The following SNED1 variants were observed in gnomAD, a reference collection of about 807,000 sequenced individuals.
SNED1 encodes the protein sushi, nidogen and EGF-like domain-containing protein 1.
In SNED1, 81 loss-of-function variants were observed where a neutral mutation model predicts 166.7. The ratio of observed to expected loss-of-function variants is 0.49; its 90% CI spans 0.41 to 0.58. SNED1 has a LOEUF of 0.58. SNED1 is among the 20% of genes least tolerant of loss of function. The pLI is 0.00. For synonymous variants in SNED1, 762 were observed against 822.0 expected, an observed-to-expected ratio of 0.93 and a Z score of 1.25; for missense variants, 1,604 against 2,000.2, an observed-to-expected ratio of 0.80 and a Z score of 3.78.
intron 2 of SNED1, chr2:241,033,401 G>C (rs543440188): frequency 3.9e-5 from 9 of 227,922 alleles, no homozygotes; most frequent in African/African-American, 2.1e-4. Flanking sequence ...TTGCAATTTT[G>C]CTCATTTCAC....
At chr2:241,090,163 A>C in intron 31 of SNED1, 2 of 1,460,748 alleles carry the variant, frequency 1.4e-6, no homozygotes, top group Non-Finnish European at 1.8e-6. Context: ...ACGGATGTTC[A>C]AAATTGTTTT....
intron 6 of SNED1, among the ~76,000 whole-genome samples, chr2:241,037,872 G>T (rs1340958826): frequency 6.6e-6 from 1 of 152,220 alleles, no homozygotes; most frequent in Non-Finnish European, 1.5e-5. Context: ...GGGAAAGGGG[G>T]TCTCACAGCC....
At chr2:241,063,549 T>G in intron 17 of SNED1, 38 bp from the exon 18 acceptor site, 3 of 1,437,982 alleles carry the variant, frequency 2.1e-6, no homozygotes, top group Non-Finnish European at 2.9e-6. Context: ...GCCTCAGACT[T>G]GAGCCAGCAA....
At chr2:241,077,796 G>A (rs1437797031) in intron 27 of SNED1, among the ~76,000 whole-genome samples, 1 of 152,152 alleles carries the variant, frequency 6.6e-6, no homozygotes, top group Non-Finnish European at 1.5e-5. Flanking sequence ...AAACCACTAG[G>A]ATGGCGGGAA....
At chr2:241,078,362 G>A (rs2125284280) in intron 27 of SNED1, among the ~76,000 whole-genome samples, 1 of 135,956 alleles carries the variant, frequency 7.4e-6, no homozygotes, top group East Asian at 2.1e-4. Flanking sequence ...CAGCCTGGGA[G>A]ACAGAACTAG....
In SNED1 at chr2:241,071,662, C is replaced by A; in HGVS notation, c.3676C>A (p.Pro1226Thr). The A allele has an allele frequency of 6.4e-7, 1 of 1,564,310 alleles. No individual in the cohort carries two copies. Among genetic ancestry groups the A allele is most frequent in the East Asian group, 2.3e-5 (1 of 42,758 alleles). The change falls in exon 25 of 32, where the codon CCG becomes ACG. Residue 1226 changes from proline to threonine, a missense_variant. Physicochemically the swap from Pro to Thr is conservative, Grantham distance 38. This residue lies in a region of SNED1 where 367 missense variants were observed against 379.4 expected (regional missense o/e 0.97). Transcript: ENST00000310397. ...GAACAGACCGCCCCCGGCGCGCCTG[C>A]CGGAGCTGCGCCTGCTCAATGACCA... ...LKNRPPPARL[P>T]ELRLLNDHSA...
chr2:241,050,719 T>A (rs915054341), intron 12 of SNED1, among the ~76,000 whole-genome samples: 2 of 152,130 alleles, frequency 1.3e-5, no homozygotes, highest in African/African-American at 4.8e-5. Flanking sequence ...TCTTTGTCTC[T>A]CAACACACTC....
Position 241,053,272 on chromosome 2 carries a change from C to A in SNED1, c.2203C>A (p.Arg735Ser). 6.2e-7 allele frequency: 1 copy of A among 1,602,980 alleles called. No homozygotes were observed. Among genetic ancestry groups the A allele is most frequent in the South Asian group, 1.1e-5 (1 of 90,598 alleles). Residue 735 changes from arginine to serine, a missense_variant, in exon 16 of 32, where the codon CGC becomes AGC. Physicochemically the swap from Arg to Ser is moderately radical, Grantham distance 110. Around this residue, in one of 2 missense-constraint regions of SNED1, gnomAD observed 1,237 missense variants for 1,620.8 expected, o/e 0.76. Coordinates refer to ENST00000310397, the MANE Select transcript of SNED1 (RefSeq NM_001080437.3). ...TGGCTACAGCCTGAGCGCCCCCAGC[C>A]GCATCCGGGTCTGCCAGCCACACGG... Reference protein sequence around the residue: ...DRGYSLSAPSRIRVCQPHGVW... With the variant: ...DRGYSLSAPSSIRVCQPHGVW...
At chr2:241,007,898 C>T (rs2060267844) in intron 1 of SNED1, among the ~76,000 whole-genome samples, 1 of 152,236 alleles carries the variant, frequency 6.6e-6, no homozygotes, top group African/African-American at 2.4e-5. Context: ...CTACACGGGC[C>T]TTCGTGCAGG....
In SNED1 at chr2:241,071,560, C is replaced by T. The variant is rs564406630; in HGVS notation, c.3590-16C>T. The T allele has an allele frequency of 3.9e-5, 61 of 1,573,988 alleles. No individual in the cohort carries two copies. Among genetic ancestry groups the T allele is most frequent in the African/African-American group, 3.2e-4 (24 of 74,440 alleles). On this transcript the variant is annotated splice_polypyrimidine_tract_variant and intron_variant, in intron 24 of 31. Coordinates refer to ENST00000310397, the MANE Select transcript of SNED1 (RefSeq NM_001080437.3). ...GGCAGCCCCAGACCAGCCCCTTCCTCCTGCCTGCTCTGCAGCCCCCAGGGA... is the reference window on the plus strand; with the variant it reads ...GGCAGCCCCAGACCAGCCCCTTCCTTCTGCCTGCTCTGCAGCCCCCAGGGA...
At chr2:241,021,184 T>A (rs1440446598) in intron 1 of SNED1, among the ~76,000 whole-genome samples, 2 of 152,204 alleles carry the variant, frequency 1.3e-5, no homozygotes, top group Non-Finnish European at 2.9e-5. Context: ...CCCCTCCAGC[T>A]GTTAGCTCCT....
intron 21 of SNED1, 83 bp from the exon 22 acceptor site, chr2:241,067,681 C>T: frequency 8.0e-7 from 1 of 1,245,310 alleles, no homozygotes; most frequent in Non-Finnish European, 1.1e-6. Context: ...AGCACCCTCC[C>T]AAGCCTGGTT....
rs1329051630 is a variant in SNED1, at chr2:241,070,163, C to A, written c.3551C>A (p.Pro1184Gln). 1.9e-6 allele frequency: 3 copies of A among 1,599,680 alleles called. No individual in the cohort carries two copies. The highest frequency in any genetic ancestry group is 2.5e-6 in the Non-Finnish European group (3 of 1,176,792). ...VIAVQSTELGPQHSEPAHLYI... is the reference protein window; with the variant it reads ...VIAVQSTELGQQHSEPAHLYI... ...GCAGTGCAGAGCACGGAGCTCGGGC[C>A]GCAGCACAGCGAGCCCGCCCACCTC... Residue 1184 changes from proline to glutamine, a missense_variant, in exon 24 of 32, where the codon CCG becomes CAG. Transcript: ENST00000310397.
In SNED1 at chr2:241,064,984, G is replaced by T. The variant is rs933466506; in HGVS notation, c.2713+27G>T. On this transcript the variant is annotated intron_variant, in intron 20 of 31. Transcript: ENST00000310397. This position sits in a 1 kb window ranked among gnomAD's most constrained non-coding sequence, Gnocchi z 7.0. ...TGGGTGGCGAGGGCGCCTCCAGTGA[G>T]GGAGCCACGAGGGGGTCCCCTCTCC... The T allele has an allele frequency of 1.3e-6, 2 of 1,522,418 alleles. No individual in the cohort carries two copies. Among genetic ancestry groups the T allele is most frequent in the African/African-American group, 1.4e-5 (1 of 71,634 alleles). The allele number at this position is 1,522,418 out of a possible 1,614,324, so 94.3% of individuals were successfully genotyped here. A position where few individuals can be genotyped will look rare whatever the true frequency, so the allele number is the denominator to read the frequency against.
intron 16 of SNED1, among the ~76,000 whole-genome samples, chr2:241,056,925 C>A (rs2062065378): frequency 6.6e-6 from 1 of 151,988 alleles, no homozygotes; most frequent in Non-Finnish European, 1.5e-5. Context: ...ATCTGTGGGA[C>A]AATATCAAAC....
chr2:240,998,807 C>G lies in SNED1; in HGVS notation c.-31C>G. 8.8e-7 allele frequency: 1 copy of G among 1,130,566 alleles called. No homozygotes were observed. The highest frequency in any genetic ancestry group is 1.1e-6 in the Non-Finnish European group (1 of 918,224). 70.0% of individuals were successfully genotyped at this position (1,130,566 alleles called of 1,614,324 possible). ...CTAGTCCCCCAGCGCCCTGCTCCGC[C>G]AGCGCCCCGTCCCGCCCGCACACCT... On this transcript the variant is annotated 5_prime_UTR_variant, in exon 1 of 32. Coordinates refer to ENST00000310397, the MANE Select transcript of SNED1 (RefSeq NM_001080437.3).
chr2:241,080,509 G>GGGT (rs1450454917), intron 27 of SNED1, among the ~76,000 whole-genome samples: 1 of 152,144 alleles, frequency 6.6e-6, no homozygotes, highest in Non-Finnish European at 1.5e-5. Context: ...TTGGAGAAAT[G>GGGT]GGTGATTCCA....
intron 1 of SNED1, among the ~76,000 whole-genome samples, chr2:241,017,831 A>G (rs946650512): frequency 6.6e-6 from 1 of 152,260 alleles, no homozygotes; most frequent in Non-Finnish European, 1.5e-5. Context: ...TGAGAGAGCC[A>G]GGATGCAGCC....
At position 241,079,457 on chromosome 2, in the gene SNED1, G is replaced by T. The variant is rs527427192; in HGVS notation, c.3917-2220G>T. On this transcript the variant is annotated intron_variant, in intron 27 of 31. Transcript: ENST00000310397. ...ACGTGCAGAACAGTGTTTTCAGTAT[G>T]TTGTCTTTTGTGTAGGAAAATGGAG... 2.2e-4 allele frequency among the ~76,000 whole-genome samples: 34 copies of T among 151,470 alleles called. 2 individuals carry two copies. In the South Asian group the frequency reaches 7.1e-3, roughly 32 times the overall value.
Sources: gnomAD v4.1 joint callset for allele counts (sites outside exome capture counted in the v4.1 genomes callset) on GRCh38, gnomAD v4.1.1 for gene constraint, gnomAD v4.1.1 regional missense constraint, Gnocchi (gnomAD v3.1) non-coding constraint, MANE v1.5 for transcripts, NCBI Gene and HGNC (gene_info 2026-07-23, HGNC 2026-07-21) for gene names.